Variants in LIN54 observed in about 807,000 individuals in gnomAD.
The protein encoded by LIN54 is protein lin-54 homolog.
LIN54 carries 9 observed loss-of-function variants against 78.7 expected under a neutral mutation model. The observed-to-expected ratio is 0.11, with a 90% confidence interval of 0.07 to 0.20. The LOEUF is 0.20. Ranked by LOEUF, LIN54 falls within the 10% of genes least tolerant of loss-of-function variation. The pLI, the probability that LIN54 is intolerant of heterozygous loss-of-function variation, is 1.00. For missense variants in LIN54, 573 were observed against 889.9 expected (o/e 0.64, Z 4.53); for synonymous variants, 269 against 318.4 (o/e 0.84, Z 1.65).
At chr4:82,935,806 G>A (rs948718185) in intron 11 of LIN54, among the ~76,000 whole-genome samples, 175 bp downstream of exon 11, 4 of 152,040 alleles carry the variant, frequency 2.6e-5, no homozygotes, top group African/African-American at 4.8e-5. Context: ...GTATTCCTCC[G>A]AAGCCCTGCT....
At chr4:82,976,523 C>A (rs1287179901) in intron 3 of LIN54, among the ~76,000 whole-genome samples, 1 of 152,110 alleles carries the variant, frequency 6.6e-6, no homozygotes, top group Non-Finnish European at 1.5e-5. Context: ...GCCTGGCCAA[C>A]ATGGTGAAAC....
chr4:82,965,381 A>G (rs1249522490), intron 4 of LIN54, among the ~76,000 whole-genome samples: 2 of 152,218 alleles, frequency 1.3e-5, no homozygotes, highest in African/African-American at 4.8e-5. Flanking sequence ...TCCCAACAAC[A>G]AACCTAGTAA....
intron 7 of LIN54, among the ~76,000 whole-genome samples, 157 bp downstream of exon 7, chr4:82,939,382 G>A (rs954846071): frequency 9.9e-5 from 15 of 152,184 alleles, no homozygotes; most frequent in Non-Finnish European, 1.6e-4. Flanking sequence ...AAAGTACATA[G>A]AAATAAACTT....
chr4:82,969,570 TA>T (rs1725479387), intron 4 of LIN54, among the ~76,000 whole-genome samples: 1 of 152,192 alleles, frequency 6.6e-6, no homozygotes, highest in South Asian at 2.1e-4. Context: ...ACCTGGACTT[TA>T]AAAAATGTAA....
At chr4:82,948,156 A>G (rs1335915267) in intron 4 of LIN54, among the ~76,000 whole-genome samples, 1 of 152,222 alleles carries the variant, frequency 6.6e-6, no homozygotes, top group East Asian at 1.9e-4. Flanking sequence ...AGTACATACA[A>G]TGGTGCAAAA....
At chr4:82,978,159 G>C (rs565777985) in intron 3 of LIN54, among the ~76,000 whole-genome samples, 1 of 152,224 alleles carries the variant, frequency 6.6e-6, no homozygotes, top group East Asian at 1.9e-4. Flanking sequence ...TAAAGAGAAC[G>C]AACACTTGAA....
chr4:82,967,040 C>T lies in LIN54; in HGVS notation c.951+3287G>A, dbSNP rs574082709. Among the ~76,000 whole-genome samples the T allele has an allele frequency of 3.9e-5, 6 of 151,940 alleles. No individual in the cohort carries two copies. The South Asian group carries it at 1.0e-3, about 26-fold the overall frequency. On this transcript the variant is annotated intron_variant, in intron 4 of 12. Transcript: ENST00000340417. The stretch of plus-strand genomic sequence containing the variant: ...GTCAGGAGATCGAGACCCTCCTGGA[C>T]GACATGGTGAAAACCCATCTCTACT...
In LIN54 at chr4:82,930,948, G is replaced by A. The variant is rs143215374; in HGVS notation, c.2043C>T (p.Gly681=). 84 of 1,613,264 alleles carry A rather than the reference G, an allele frequency of 5.2e-5. No individual in the cohort carries two copies. Among genetic ancestry groups the A allele is most frequent in the African/African-American group, 4.1e-4 (31 of 74,998 alleles). ...TRPTPALNSG[G]GKLPFTFVTK... is the part of the protein sequence containing the mutation. The stretch of plus-strand genomic sequence containing the variant: ...AGATTAAAATACTGACTTACTTTCC[G>A]CCTCCACTATTTAAAGCTGGTGTTG... The change falls in exon 12 of 13, where the codon GGC becomes GGT. Residue 681 remains glycine (G), a synonymous_variant. Transcript: ENST00000340417.
chr4:82,937,440 T>C (rs2126034330), intron 8 of LIN54, 142 bp from the exon 9 acceptor site: 1 of 532,648 alleles, frequency 1.9e-6, no homozygotes, highest in East Asian at 3.3e-5. Context: ...TATAAATCCC[T>C]CCAGAAATAA....
In LIN54 at chr4:82,926,202, T is replaced by C. The variant is rs1447718013; in HGVS notation, c.*1900A>G. The C allele has an allele frequency of 1.3e-5, 2 of 152,576 alleles. No homozygotes were observed. Among genetic ancestry groups the C allele is most frequent in the African/African-American group, 2.4e-5 (1 of 41,440 alleles). The allele number at this position is 152,576 out of a possible 1,614,324, so 9.5% of individuals were successfully genotyped here. The stretch of plus-strand genomic sequence containing the variant: ...GCAATTAGAATTAACACAGAGTATG[T>C]ACAAAATGAACAAAGTTTAAGTTTA... On this transcript the variant is annotated 3_prime_UTR_variant, in exon 13 of 13. Coordinates refer to ENST00000340417, the MANE Select transcript of LIN54 (RefSeq NM_194282.4).
chr4:82,968,536 CCT>C (rs1366473081), intron 4 of LIN54, among the ~76,000 whole-genome samples: 1 of 151,974 alleles, frequency 6.6e-6, no homozygotes, highest in Admixed American at 6.6e-5. Context: ...CTCTTTAGCC[CCT>C]GAGCTACTAG....
intron 1 of LIN54, among the ~76,000 whole-genome samples, chr4:82,996,872 A>C (rs889483135): frequency 1.3e-5 from 2 of 152,016 alleles, no homozygotes; most frequent in Non-Finnish European, 2.9e-5. Context: ...ATTTGTCTTA[A>C]TGTATTAGGG....
At chr4:82,971,213 G>A (rs1306339792) in intron 3 of LIN54, among the ~76,000 whole-genome samples, 1 of 152,146 alleles carries the variant, frequency 6.6e-6, no homozygotes, top group South Asian at 2.1e-4. Flanking sequence ...CATTCACCAA[G>A]TATTCTAGCT....
At chr4:82,930,873 T>C in intron 12 of LIN54, 70 bp downstream of exon 12, 1 of 1,407,584 alleles carries the variant, frequency 7.1e-7, no homozygotes. Context: ...AACTCAACTT[T>C]GCCCCCTGAA....
rs34687744 is a variant in LIN54 at position 82,976,382 on chromosome 4, CAA to C, written c.808+2499_808+2500del. Among the ~76,000 whole-genome samples the C allele has an allele frequency of 8.0e-3, 1,090 of 136,444 alleles. 16 individuals carry two copies. Among genetic ancestry groups the C allele is most frequent in the African/African-American group, 0.023 (881 of 38,290 alleles). 89.5% of individuals were successfully genotyped at this position (136,444 alleles called of 152,430 possible). ...CTTCAATGAGAAGCCCAAAAATCAT[CAA>C]AAAAAAAAAAAAAATCTCAAGGTAC... On this transcript the variant is annotated intron_variant, in intron 3 of 12. Coordinates refer to ENST00000340417, the MANE Select transcript of LIN54 (RefSeq NM_194282.4).
chr4:82,936,697 A>T (rs1722420952), intron 9 of LIN54, among the ~76,000 whole-genome samples: 1 of 152,146 alleles, frequency 6.6e-6, no homozygotes, highest in Admixed American at 6.5e-5. Context: ...ATGTGCCCCC[A>T]AAGTAAGGCA....
chr4:82,984,884 A>G lies in LIN54; in HGVS notation c.-32-8T>C. 3.3e-6 allele frequency: 5 copies of G among 1,526,328 alleles called. No homozygotes were observed. The highest frequency in any genetic ancestry group is 3.5e-6 in the Non-Finnish European group (4 of 1,139,784). The allele number at this position is 1,526,328 out of a possible 1,614,324, so 94.5% of individuals were successfully genotyped here. Reference sequence around the variant, plus strand: ...TAGAAAGTTGATCAGGCACTGTAATAAAAGTTGAAAAATGAACAAGTTACT... The same window carrying G: ...TAGAAAGTTGATCAGGCACTGTAATGAAAGTTGAAAAATGAACAAGTTACT... On this transcript the variant is annotated splice_region_variant and splice_polypyrimidine_tract_variant and intron_variant, in intron 1 of 12. Transcript: ENST00000340417.
chr4:82,946,384 C>T lies in LIN54; in HGVS notation c.1042G>A (p.Val348Ile). 4 of 1,614,022 alleles carry T rather than the reference C, an allele frequency of 2.5e-6. No individual in the cohort carries two copies. Among genetic ancestry groups the T allele is most frequent in the South Asian group, 2.2e-5 (2 of 91,088 alleles). ...TIIPLATAPNVQQIQVPGSKF... is the reference protein window; with the variant it reads ...TIIPLATAPNIQQIQVPGSKF... ...CTTCCAGGCACTTGAATCTGCTGGA[C>T]ATTGGGAGCAGTTGCCAGAGGAATA... is the stretch of plus-strand genomic sequence containing the variant. The change falls in exon 5 of 13, where the codon GTC becomes ATC. Residue 348 changes from valine (V) to isoleucine (I), a missense_variant. Transcript: ENST00000340417.
At chr4:83,007,612 G>A (rs1729508928) in intron 1 of LIN54, among the ~76,000 whole-genome samples, 1 of 152,178 alleles carries the variant, frequency 6.6e-6, no homozygotes, top group Admixed American at 6.5e-5. Flanking sequence ...AAATGGCCAG[G>A]CGTGGTGGCT....
Sources: gnomAD v4.1 joint callset for allele counts (sites outside exome capture counted in the v4.1 genomes callset) on GRCh38, gnomAD v4.1.1 for gene constraint, MANE v1.5 for transcripts, NCBI Gene and HGNC (gene_info 2026-07-23, HGNC 2026-07-21) for gene names.